The following NR0B1 variants were observed in gnomAD, a reference collection of about 807,000 sequenced individuals.
The protein encoded by NR0B1 is DSS-AHC critical region on the X chromosome protein 1.
Under a neutral mutation model 23.0 loss-of-function variants are expected in NR0B1, and 3 were observed. The ratio of observed to expected loss-of-function variants is 0.13; its 90% CI spans 0.06 to 0.34. NR0B1 has a LOEUF of 0.34. NR0B1 is among the 10% of genes least tolerant of loss of function. The pLI is 1.00. For missense variants in NR0B1, 350 were observed against 402.9 expected (o/e 0.87, Z 1.12); for synonymous variants, 205 against 184.0 (o/e 1.11, Z -0.92).
intron 1 of NR0B1, among the ~76,000 whole-genome samples, chrX:30,306,752 C>T (rs1372385085): frequency 9.0e-6 from 1 of 111,536 alleles, no homozygotes; most frequent in African/African-American, 3.3e-5. Flanking sequence ...GTAACACTGG[C>T]TGAAGGAATA....
rs944558014 is a variant in NR0B1 at position 30,304,365 on chromosome X, T to C, written c.*214A>G. The C allele has an allele frequency of 1.2e-5, 5 of 402,834 alleles. No individual in the cohort carries two copies. In the Admixed American group the frequency reaches 1.6e-4, roughly 13 times the overall value. 33.2% of individuals were successfully genotyped at this position (402,834 alleles called of 1,213,427 possible). On this transcript the variant is annotated 3_prime_UTR_variant, in exon 2 of 2. Coordinates refer to ENST00000378970, the MANE Select transcript of NR0B1 (RefSeq NM_000475.5). Reference sequence around the variant, plus strand: ...TTTTTTTAAAAGATGTACAGAGCTATGCTACCTGTTGGCAAATGTCTTCTT... The same window carrying C: ...TTTTTTTAAAAGATGTACAGAGCTACGCTACCTGTTGGCAAATGTCTTCTT...
rs1216166973 is a variant in NR0B1 at position 30,308,995 on chromosome X, C to T, written c.369G>A (p.Gly123=). 4 of 1,210,228 alleles carry T rather than the reference C, an allele frequency of 3.3e-6. No homozygotes were observed. Among genetic ancestry groups the T allele is most frequent in the East Asian group, 3.0e-5 (1 of 33,705 alleles). The change falls in exon 1 of 2, where the codon GGG becomes GGA. Residue 123 remains glycine, a synonymous_variant. Transcript: ENST00000378970. ...AGCGGTACAGGAGTGCCACGGGCCGCCCACCCGGAAGCCCCGCTCTGCCCA... is the reference window on the plus strand; with the variant it reads ...AGCGGTACAGGAGTGCCACGGGCCGTCCACCCGGAAGCCCCGCTCTGCCCA... ...PGVGRAGLPG[G]RPVALLYRCC...
In NR0B1 at chrX:30,304,453, A is replaced by G. The variant is rs1926482966; in HGVS notation, c.*126T>C. On this transcript the variant is annotated 3_prime_UTR_variant, in exon 2 of 2. Coordinates refer to ENST00000378970, the MANE Select transcript of NR0B1 (RefSeq NM_000475.5). The stretch of plus-strand genomic sequence containing the variant: ...AAAATTATTTCTTTAATTGAATACA[A>G]AAATACTCTGCATGTAAAAATATTA... 2 of 782,361 alleles carry G rather than the reference A, an allele frequency of 2.6e-6. No homozygotes were observed. Among genetic ancestry groups the G allele is most frequent in the Non-Finnish European group, 3.7e-6 (2 of 539,935 alleles). The allele number at this position is 782,361 out of a possible 1,213,427, so 64.5% of individuals were successfully genotyped here.
intron 1 of NR0B1, 62 bp downstream of exon 1, chrX:30,308,134 T>C (rs1290126486): frequency 4.2e-6 from 4 of 954,083 alleles, no homozygotes; most frequent in Non-Finnish European, 6.0e-6. Flanking sequence ...CGCCCCTAGA[T>C]AGGCACTGCC....
At position 30,304,804 on chromosome X, in the gene NR0B1, G is replaced by A. The variant is rs776457322; in HGVS notation, c.1188C>T (p.Cys396=). 11 of 1,209,169 alleles carry A rather than the reference G, an allele frequency of 9.1e-6. No homozygotes were observed. Among genetic ancestry groups the A allele is most frequent in the Admixed American group, 6.6e-5 (3 of 45,698 alleles). ...ACTGGAGTCCCTGAATGTACTTCAC[G>A]CACTGCAGGCCCGGCACGTCTGGAG... ...LFNPDVPGLQ[C]VKYIQGLQWG... Residue 396 remains cysteine, a synonymous_variant, in exon 2 of 2, where the codon TGC becomes TGT. Transcript: ENST00000378970.
In NR0B1 at chrX:30,309,148, G is replaced by A. The variant is rs368310750; in HGVS notation, c.216C>T (p.Asp72=). 3.3e-5 allele frequency: 39 copies of A among 1,196,735 alleles called. No individual in the cohort carries two copies. The highest frequency in any genetic ancestry group is 4.2e-5 in the Non-Finnish European group (37 of 890,040). ...LLYRCCFCGK[D]HPRQGSILYS... is the part of the protein sequence containing the mutation. ...AGAGGATGCTGCCCTGCCGTGGGTGGTCTTTACCGCAAAAGCAGCAGCGGT... is the reference window on the plus strand; with the variant it reads ...AGAGGATGCTGCCCTGCCGTGGGTGATCTTTACCGCAAAAGCAGCAGCGGT... The change falls in exon 1 of 2, where the codon GAC becomes GAT. Residue 72 remains aspartate, a synonymous_variant. Transcript: ENST00000378970.
At position 30,308,917 on chromosome X, in the gene NR0B1, C is replaced by A; in HGVS notation, c.447G>T (p.Leu149Phe). The part of the protein sequence containing the change: ...HPRQGSILYS[L>F]LTSSKQTHVA... Reference sequence around the variant, plus strand: ...CGTGCGTTTGCTTTGAGCTAGTGAGCAAGCTGTAGAGGATGCTGCCCTGCC... The same window carrying A: ...CGTGCGTTTGCTTTGAGCTAGTGAGAAAGCTGTAGAGGATGCTGCCCTGCC... Residue 149 changes from leucine to phenylalanine, a missense_variant, in exon 1 of 2, where the codon TTG becomes TTT. This residue lies in a region of NR0B1 where 298 missense variants were observed against 314.0 expected (regional missense o/e 0.95). Transcript: ENST00000378970. 4 of 1,211,411 alleles carry A rather than the reference C, an allele frequency of 3.3e-6. No individual in the cohort carries two copies. The highest frequency in any genetic ancestry group is 3.4e-6 in the Non-Finnish European group (3 of 895,449).
intron 1 of NR0B1, chrX:30,305,973 G>A (rs1012457316): frequency 4.9e-5 from 16 of 325,004 alleles, no homozygotes; most frequent in Non-Finnish European, 1.1e-5. Flanking sequence ...TCCTATTATG[G>A]GCGAATATCA....
chrX:30,305,845 C>T (rs766973513), intron 1 of NR0B1: 56 of 459,369 alleles, frequency 1.2e-4, no homozygotes, highest in Non-Finnish European at 1.1e-5. Flanking sequence ...AATCATTTTC[C>T]TTCCCTTTTC....
At position 30,309,215 on chromosome X, in the gene NR0B1, C is replaced by A. The variant is rs771928282; in HGVS notation, c.149G>T (p.Gly50Val). Reference protein sequence around the residue: ...GCSCGDEPGVGREGLLGGRNV... With the variant: ...GCSCGDEPGVVREGLLGGRNV... ...CCGCCCGCCCAGCAGCCCCTCTCTG[C>A]CCACCCCGGGCTCATCGCCGCACGA... Residue 50 changes from glycine to valine, a missense_variant, in exon 1 of 2, where the codon GGC (glycine) becomes GTC (valine). Around this residue, in one of 2 missense-constraint regions of NR0B1, gnomAD observed 298 missense variants for 314.0 expected, o/e 0.95. Coordinates refer to ENST00000378970, the MANE Select transcript of NR0B1 (RefSeq NM_000475.5). The A allele has an allele frequency of 4.3e-6, 5 of 1,171,187 alleles. No homozygotes were observed. In the South Asian group the frequency reaches 9.0e-5, roughly 21 times the overall value.
intron 1 of NR0B1, among the ~76,000 whole-genome samples, chrX:30,306,836 G>A (rs969346746): frequency 1.8e-5 from 2 of 111,122 alleles, no homozygotes; most frequent in African/African-American, 6.6e-5. Context: ...CAGACCCTGG[G>A]CCAGAGCTAC....
In NR0B1 at chrX:30,308,249, T is replaced by G; in HGVS notation, c.1115A>C (p.Asn372Thr). The G allele has an allele frequency of 8.3e-7, 1 of 1,211,545 alleles. No individual in the cohort carries two copies. The highest frequency in any genetic ancestry group is 1.1e-6 in the Non-Finnish European group (1 of 895,106). Reference sequence around the variant, plus strand: ...GTAGGCGTACTCCTTGGTACTGATGTTCAGACTCCAGCATTTGGAAAGAAA... The same window carrying G: ...GTAGGCGTACTCCTTGGTACTGATGGTCAGACTCCAGCATTTGGAAAGAAA... The part of the protein sequence containing the change: ...KCFLSKCWSL[N>T]ISTKEYAYLK... The change falls in exon 1 of 2, where the codon AAC (asparagine) becomes ACC (threonine). Residue 372 changes from asparagine to threonine, a missense_variant. Physicochemically the swap from Asn to Thr is moderately conservative, Grantham distance 65. Coordinates refer to ENST00000378970, the MANE Select transcript of NR0B1 (RefSeq NM_000475.5).
intron 1 of NR0B1, 52 bp downstream of exon 1, chrX:30,308,144 C>G: frequency 9.6e-7 from 1 of 1,044,287 alleles, no homozygotes; most frequent in South Asian, 1.9e-5. Context: ...TAGGCACTGC[C>G]CGATGCTTTT....
In NR0B1 at chrX:30,304,410, T is replaced by A; in HGVS notation, c.*169A>T. On this transcript the variant is annotated 3_prime_UTR_variant, in exon 2 of 2. Transcript: ENST00000378970. ...CTTCTTTAACTATGGAACAGAGAAATTTGTGACTGTCTGGAATAAAATTAT... is the reference window on the plus strand; with the variant it reads ...CTTCTTTAACTATGGAACAGAGAAAATTGTGACTGTCTGGAATAAAATTAT... 3.7e-6 allele frequency: 2 copies of A among 547,544 alleles called. No homozygotes were observed. The highest frequency in any genetic ancestry group is 5.7e-6 in the Non-Finnish European group (2 of 351,220). 45.1% of individuals were successfully genotyped at this position (547,544 alleles called of 1,213,427 possible).
intron 1 of NR0B1, among the ~76,000 whole-genome samples, chrX:30,306,616 T>TGTGTG (rs1569268357): frequency 2.8e-5 from 3 of 105,827 alleles, no homozygotes; most frequent in Non-Finnish European, 3.9e-5. Context: ...TGTGTGTGTG[T>TGTGTG]TAAAAGTATA....
chrX:30,308,211 C>T lies in NR0B1; in HGVS notation c.1153G>A (p.Val385Met). Residue 385 changes from valine to methionine, a missense_variant, in exon 1 of 2, where the codon GTG (valine) becomes ATG (methionine). By Grantham distance (21) the Val-to-Met change is conservative. This residue lies in a region of NR0B1 where 52 missense variants were observed against 88.9 expected (regional missense o/e 0.58). Coordinates refer to ENST00000378970, the MANE Select transcript of NR0B1 (RefSeq NM_000475.5). ...GTACCCTTACCCGGGTTAAAGAGCA[C>T]GGTCCCCTTGAGGTAGGCGTACTCC... ...TKEYAYLKGT[V>M]LFNPDVPGLQ... is the part of the protein sequence containing the mutation. The T allele has an allele frequency of 1.7e-6, 2 of 1,208,941 alleles. No homozygotes were observed. The highest frequency in any genetic ancestry group is 2.2e-6 in the Non-Finnish European group (2 of 892,677).
In NR0B1 at chrX:30,304,633, G is replaced by A. The variant is rs768052155; in HGVS notation, c.1359C>T (p.Ile453=). 2.2e-5 allele frequency: 26 copies of A among 1,207,962 alleles called. No homozygotes were observed. The highest frequency in any genetic ancestry group is 2.5e-5 in the Non-Finnish European group (22 of 893,794). The change falls in exon 2 of 2, where the codon ATC becomes ATT. Residue 453 remains isoleucine (I), a synonymous_variant. Transcript: ENST00000378970. ...TCATATCATCCATGCTGACTGTGCC[G>A]ATGATGGGCCTGAAGAACAGTTCAG... The part of the protein sequence containing the change: ...VIAELFFRPI[I]GTVSMDDMML...
Position 30,304,243 on chromosome X carries a change from A to C in NR0B1, c.*336T>G, listed in dbSNP as rs1487152244. On this transcript the variant is annotated 3_prime_UTR_variant, in exon 2 of 2. Transcript: ENST00000378970. ...ATCAAGTTAATAGTTAAGACCTTAA[A>C]ATTTATTATAACAATATGTACAAAT... 1 of 177,973 alleles carries C rather than the reference A, an allele frequency of 5.6e-6. No individual in the cohort carries two copies. The highest frequency in any genetic ancestry group is 1.0e-5 in the Non-Finnish European group (1 of 95,986). 14.7% of individuals were successfully genotyped at this position (177,973 alleles called of 1,213,427 possible).
rs104894888 is a variant in NR0B1 at position 30,308,564 on chromosome X, C to T, written c.800G>A (p.Arg267His). ...AASAGLLKTL[R>H]FVKYLPCFQV... ...GAAGCAGGGCAAGTACTTGACGAAG[C>T]GCAGCGTCTTCAACAGGCCCGCTGA... Residue 267 changes from arginine to histidine, a missense_variant, in exon 1 of 2, where the codon CGC (arginine) becomes CAC (histidine). Arg to His is a conservative substitution (Grantham distance 29). Transcript: ENST00000378970. The T allele has an allele frequency of 5.0e-6, 6 of 1,207,716 alleles. No homozygotes were observed. In the East Asian group the frequency reaches 1.8e-4, roughly 36 times the overall value.
Sources: gnomAD v4.1 joint callset for allele counts (sites outside exome capture counted in the v4.1 genomes callset) on GRCh38, gnomAD v4.1.1 for gene constraint, gnomAD v4.1.1 regional missense constraint, MANE v1.5 for transcripts, NCBI Gene and HGNC (gene_info 2026-07-23, HGNC 2026-07-21) for gene names.